ZNF619: variants seen among roughly 807,000 people sequenced by gnomAD.
ZNF619 encodes the protein zinc finger protein 619.
In ZNF619, 9 loss-of-function variants were observed where a neutral mutation model predicts 14.2. The ratio of observed to expected loss-of-function variants is 0.64; its 90% CI spans 0.38 to 1.11. ZNF619 has a LOEUF of 1.11. Among genes scored for constraint, ZNF619 ranks in the 50% least tolerant of loss-of-function variants. The pLI is 0.01. For missense variants in ZNF619, 659 were observed against 680.1 expected, an observed-to-expected ratio of 0.97 and a Z score of 0.34; for synonymous variants, 246 against 252.8, an observed-to-expected ratio of 0.97 and a Z score of 0.26.
Position 40,488,086 on chromosome 3 carries a change from G to A in ZNF619, c.1576G>A (p.Val526Met). 1 of 1,614,184 alleles carries A rather than the reference G, an allele frequency of 6.2e-7. No homozygotes were observed. Among genetic ancestry groups the A allele is most frequent in the Non-Finnish European group, 8.5e-7 (1 of 1,180,032 alleles). Residue 526 changes from valine (V) to methionine (M), a missense_variant, in exon 5 of 5, where the codon GTG (valine) becomes ATG (methionine). Physicochemically the swap from Val to Met is conservative, Grantham distance 21. Coordinates refer to ENST00000432264, the MANE Select transcript of ZNF619 (RefSeq NM_001145093.4). ...GCCTCCCTTATCTTCTTCACATGCA[G>A]TGGTACTTCCTCCCTCTGTGCCTTT... is the stretch of plus-strand genomic sequence containing the variant. ...PGPPLSSSHA[V>M]VLPPSVPFFL...
chr3:40,482,640 AG>A lies in ZNF619; in HGVS notation c.232del (p.Ala78GlnfsTer16). On this transcript the variant is annotated frameshift_variant, in exon 4 of 5. Coordinates refer to ENST00000432264, the MANE Select transcript of ZNF619 (RefSeq NM_001145093.4). LOFTEE classifies it high-confidence loss of function. ...DLIFQLEQGE[A>X]AWGPDPWTLA... ...TGATATTCCAGCTGGAGCAAGGAGA[AG>A]CAGCATGGGGCCCAGATCCCTGGAC... is the stretch of plus-strand genomic sequence containing the variant. 1 of 1,614,192 alleles carries A rather than the reference AG, an allele frequency of 6.2e-7. No homozygotes were observed. The highest frequency in any genetic ancestry group is 8.5e-7 in the Non-Finnish European group (1 of 1,180,042).
chr3:40,482,341 T>G, intron 3 of ZNF619: 7 of 1,555,218 alleles, frequency 4.5e-6, no homozygotes, highest in Non-Finnish European at 5.2e-6. Context: ...TTGGCCCTAT[T>G]GCCTATGTGT....
In ZNF619 at chr3:40,477,125, G is replaced by A. The variant is rs983916715; in HGVS notation, c.-295G>A. 2.0e-5 allele frequency: 3 copies of A among 152,306 alleles called. No individual in the cohort carries two copies. The highest frequency in any genetic ancestry group is 7.2e-5 in the African/African-American group (3 of 41,476). The allele number at this position is 152,306 out of a possible 1,614,324, so 9.4% of individuals were successfully genotyped here. A position where few individuals can be genotyped will look rare whatever the true frequency, so the allele number is the denominator to read the frequency against. On this transcript the variant is annotated 5_prime_UTR_variant, in exon 1 of 5. Transcript: ENST00000432264. ...CTCCCGGCTTCCTAGAGAGGCTGTA[G>A]GGACCGACGGCCGGCCAGCTAATGC...
At chr3:40,484,000 A>G (rs917828509) in intron 4 of ZNF619, among the ~76,000 whole-genome samples, 1 of 151,818 alleles carries the variant, frequency 6.6e-6, no homozygotes, top group Admixed American at 6.6e-5. Flanking sequence ...ATTTCGGCTC[A>G]CTGCAACCTC....
At chr3:40,485,466 T>C (rs1176414735) in intron 4 of ZNF619, among the ~76,000 whole-genome samples, 1 of 152,138 alleles carries the variant, frequency 6.6e-6, no homozygotes, top group African/African-American at 2.4e-5. Flanking sequence ...CACATCCGGC[T>C]AATTTTTTGT....
At chr3:40,482,465 C>G in intron 3 of ZNF619, 123 bp from the exon 4 acceptor site, 1 of 1,560,814 alleles carries the variant, frequency 6.4e-7, no homozygotes, top group Non-Finnish European at 8.8e-7. Context: ...ATTCACTCCT[C>G]CCTGACTTCA....
chr3:40,482,348 G>A, intron 3 of ZNF619: 1 of 1,556,822 alleles, frequency 6.4e-7, no homozygotes, highest in Non-Finnish European at 8.7e-7. Context: ...TATTGCCTAT[G>A]TGTGAGTCCC....
In ZNF619 at chr3:40,482,693, G is replaced by A. The variant is rs1697447875; in HGVS notation, c.284G>A (p.Gly95Asp). Reference sequence around the variant, plus strand: ...CTTGCTGGGGGAGAGGCCCTGAGAGGCATGTGCACAGGTGAGCAGGAGAGC... The same window carrying A: ...CTTGCTGGGGGAGAGGCCCTGAGAGACATGTGCACAGGTGAGCAGGAGAGC... ...WTLAGGEALR[G>D]MCTGGKTKTE... The change falls in exon 4 of 5, where the codon GGC (glycine) becomes GAC (aspartate). Residue 95 changes from glycine to aspartate, a missense_variant. Gly to Asp is a moderately conservative substitution (Grantham distance 94). Transcript: ENST00000432264. 1.2e-6 allele frequency: 2 copies of A among 1,613,476 alleles called. No homozygotes were observed. The highest frequency in any genetic ancestry group is 1.7e-6 in the Non-Finnish European group (2 of 1,179,638).
chr3:40,480,344 T>G (rs1320809679), intron 2 of ZNF619, among the ~76,000 whole-genome samples: 1 of 152,210 alleles, frequency 6.6e-6, no homozygotes, highest in Admixed American at 6.5e-5. Context: ...GATTACTGTA[T>G]AGTTACTGTT....
At position 40,486,883 on chromosome 3, in the gene ZNF619, A is replaced by T. The variant is rs1468606832; in HGVS notation, c.373A>T (p.Ile125Leu). 1.2e-6 allele frequency: 2 copies of T among 1,614,228 alleles called. No individual in the cohort carries two copies. Among genetic ancestry groups the T allele is most frequent in the Non-Finnish European group, 1.7e-6 (2 of 1,180,044 alleles). ...ISKESESHRLIVEGLLMDVPQ... is the reference protein window; with the variant it reads ...ISKESESHRLLVEGLLMDVPQ... Reference sequence around the variant, plus strand: ...TAAAGAATCAGAGTCCCACAGACTGATAGTGGAGGGACTGCTGATGGACGT... The same window carrying T: ...TAAAGAATCAGAGTCCCACAGACTGTTAGTGGAGGGACTGCTGATGGACGT... Residue 125 changes from isoleucine (I) to leucine (L), a missense_variant, in exon 5 of 5, where the codon ATA becomes TTA. Physicochemically the swap from Ile to Leu is conservative, Grantham distance 5. Transcript: ENST00000432264.
chr3:40,477,753 A>C, intron 1 of ZNF619, 165 bp from the exon 2 acceptor site: 1 of 555,768 alleles, frequency 1.8e-6, no homozygotes, highest in Non-Finnish European at 3.2e-6. Flanking sequence ...CTATAGGAGA[A>C]TATGCAGAGG....
chr3:40,484,939 G>A (rs1407543240), intron 4 of ZNF619, among the ~76,000 whole-genome samples: 2 of 152,188 alleles, frequency 1.3e-5, no homozygotes, highest in Non-Finnish European at 2.9e-5. Flanking sequence ...GAAGACTGGT[G>A]TGGGGCTGAG....
At position 40,485,302 on chromosome 3, in the gene ZNF619, AT is replaced by A. The variant is rs5848567; in HGVS notation, c.296-1488del. 1.8e-3 allele frequency among the ~76,000 whole-genome samples: 257 copies of A among 142,824 alleles called. 1 individual carries two copies. Among genetic ancestry groups the A allele is most frequent in the Middle Eastern group, 7.6e-3 (2 of 264 alleles). 93.7% of individuals were successfully genotyped at this position (142,824 alleles called of 152,430 possible). A position where few individuals can be genotyped will look rare whatever the true frequency, so the allele number is the denominator to read the frequency against. ...GTATAAAGTCTATTGTGAATGCATC[AT>A]TTTTTTTTTTTTTTTGGAAACAGAG... On this transcript the variant is annotated intron_variant, in intron 4 of 4. Transcript: ENST00000432264.
At chr3:40,486,696 C>T in intron 4 of ZNF619, 110 bp from the exon 5 acceptor site, 3 of 731,396 alleles carry the variant, frequency 4.1e-6, no homozygotes, top group Non-Finnish European at 6.4e-6. Context: ...AGTGAAACTC[C>T]ACTCAAAAAA....
At chr3:40,477,658 TAAAAAACAG>T in intron 1 of ZNF619, 1 of 342,358 alleles carries the variant, frequency 2.9e-6, no homozygotes, top group Non-Finnish European at 5.5e-6. Context: ...GAATTTTTTT[TAAAAAACAG>T]CCACGAATCC....
In ZNF619 at chr3:40,478,114, A is replaced by G. The variant is rs1399480910; in HGVS notation, c.24+111A>G. On this transcript the variant is annotated intron_variant, in intron 2 of 4. Coordinates refer to ENST00000432264, the MANE Select transcript of ZNF619 (RefSeq NM_001145093.4). The stretch of plus-strand genomic sequence containing the variant: ...CATGCTTAGTTTTACATCCTTCAAT[A>G]AAGTATGTAAAAACAGTATGCGAGG... 14 of 966,946 alleles carry G rather than the reference A, an allele frequency of 1.4e-5. No individual in the cohort carries two copies. In the Admixed American group the frequency reaches 2.3e-4, roughly 16 times the overall value. The allele number at this position is 966,946 out of a possible 1,614,324, so 59.9% of individuals were successfully genotyped here.
intron 4 of ZNF619, among the ~76,000 whole-genome samples, chr3:40,484,339 G>C (rs1257797573): frequency 6.6e-6 from 1 of 152,212 alleles, no homozygotes; most frequent in African/African-American, 2.4e-5. Flanking sequence ...TTGAAAGAAA[G>C]CTTGTTTATG....
Position 40,488,205 on chromosome 3 carries a change from C to G in ZNF619, c.1695C>G (p.Ser565=). 1 of 1,600,404 alleles carries G rather than the reference C, an allele frequency of 6.2e-7. No homozygotes were observed. Among genetic ancestry groups the G allele is most frequent in the Non-Finnish European group, 8.5e-7 (1 of 1,170,464 alleles). The change falls in exon 5 of 5, where the codon TCC becomes TCG. Residue 565 remains serine (S), a synonymous_variant. Coordinates refer to ENST00000432264, the MANE Select transcript of ZNF619 (RefSeq NM_001145093.4). The stretch of plus-strand genomic sequence containing the variant: ...ATCTCGCTTTTCCTGGGAAGTCATC[C>G]CTTCAGAGCCCGAATCCTTTGTCTC... ...FQDLAFPGKS[S]LQSPNPLSHS... is the part of the protein sequence containing the mutation.
chr3:40,490,317 C>T lies in ZNF619; in HGVS notation c.*2076C>T, dbSNP rs1697768956. ...GATAGCCATAAGTAGGTTTGCTGCT[C>T]TGACATTTACATAAAAATGTAGAAG... is the stretch of plus-strand genomic sequence containing the variant. On this transcript the variant is annotated 3_prime_UTR_variant, in exon 5 of 5. Coordinates refer to ENST00000432264, the MANE Select transcript of ZNF619 (RefSeq NM_001145093.4). The T allele has an allele frequency of 1.3e-5, 2 of 152,156 alleles. No individual in the cohort carries two copies. Among genetic ancestry groups the T allele is most frequent in the Admixed American group, 1.3e-4 (2 of 15,288 alleles). The allele number at this position is 152,156 out of a possible 1,614,324, so 9.4% of individuals were successfully genotyped here. A position where few individuals can be genotyped will look rare whatever the true frequency, so the allele number is the denominator to read the frequency against.
Sources: allele counts gnomAD v4.1 joint callset (sites outside exome capture counted in the v4.1 genomes callset), GRCh38; gene constraint gnomAD v4.1.1; transcripts MANE v1.5; gene names NCBI Gene and HGNC (gene_info 2026-07-23, HGNC 2026-07-21).